AVEN: variants seen among roughly 807,000 people sequenced by gnomAD.
AVEN encodes the protein cell death regulator Aven.
A neutral mutation model predicts 38.1 loss-of-function variants in AVEN; 41 were observed. The observed-to-expected ratio is 1.08, with a 90% CI of 0.84 to 1.40. The LOEUF is 1.40. AVEN is among the 40% of genes most tolerant of loss of function. AVEN has a pLI of 0.00. For missense variants in AVEN, 605 were observed against 438.8 expected (o/e 1.38, Z -3.38); for synonymous variants, 206 against 171.8 (o/e 1.20, Z -1.56).
At chr15:34,044,981 G>A (rs1899632596) in intron 5 of AVEN, among the ~76,000 whole-genome samples, 1 of 152,192 alleles carries the variant, frequency 6.6e-6, no homozygotes, top group East Asian at 1.9e-4. Flanking sequence ...CTGGGAGGCG[G>A]AGCTTGCAGT....
chr15:33,876,409 T>C (rs1012577408), intron 2 of AVEN, among the ~76,000 whole-genome samples: 1 of 151,664 alleles, frequency 6.6e-6, no homozygotes, highest in Non-Finnish European at 1.5e-5. Context: ...GTGTCTCTAC[T>C]AAAAATACAA....
chr15:33,871,620 G>T (rs1890954700), intron 3 of AVEN, among the ~76,000 whole-genome samples: 1 of 151,998 alleles, frequency 6.6e-6, no homozygotes, highest in Admixed American at 6.6e-5. Flanking sequence ...CTTTTGCAAT[G>T]ACTGACAAGC....
chr15:33,906,787 A>C (rs926108416), intron 2 of AVEN, among the ~76,000 whole-genome samples: 2 of 152,200 alleles, frequency 1.3e-5, no homozygotes, highest in Admixed American at 6.5e-5. Context: ...TAGGAAAATG[A>C]AAAAAACTCT....
intron 11 of AVEN, chr15:33,859,881 G>C: frequency 1.1e-6 from 1 of 888,144 alleles, no homozygotes. Context: ...TACTATACCT[G>C]AGGCTTTGGC....
At position 33,866,655 on chromosome 15, in the gene AVEN, G is replaced by A. The variant is rs544673964; in HGVS notation, c.1047C>T (p.Thr349=). ...PEQPSTSKNV[T]EEELEDWLDS... is the part of the protein sequence containing the mutation. ...CCAACCAGTCTTCCAGCTCTTCCTC[G>A]GTAACATTTTTGGAGGTACTTGGTT... The change falls in exon 6 of 6, where the codon ACC becomes ACT. Residue 349 remains threonine, a synonymous_variant. Transcript: ENST00000306730. 7.7e-5 allele frequency: 125 copies of A among 1,613,880 alleles called. No homozygotes were observed. The highest frequency in any genetic ancestry group is 2.7e-4 in the South Asian group (25 of 91,062).
At chr15:34,005,045 G>A (rs981386095) in intron 1 of AVEN, among the ~76,000 whole-genome samples, 1 of 151,954 alleles carries the variant, frequency 6.6e-6, no homozygotes, top group Non-Finnish European at 1.5e-5. Context: ...GAAAAGACAA[G>A]CAAAACTAAA....
Position 33,892,638 on chromosome 15 carries a change from T to G in AVEN, c.446-16643A>C, listed in dbSNP as rs550564439. On this transcript the variant is annotated intron_variant, in intron 2 of 5. Transcript: ENST00000306730. ...TGTTTGGTAGCCTTGTAGTATAGTTTGAAGTCAGGTAGCGTGATGCCTCCA... is the reference window on the plus strand; with the variant it reads ...TGTTTGGTAGCCTTGTAGTATAGTTGGAAGTCAGGTAGCGTGATGCCTCCA... Among the ~76,000 whole-genome samples, 70 of 152,358 alleles carry G rather than the reference T, an allele frequency of 4.6e-4. No homozygotes were observed. In the South Asian group the frequency reaches 0.014, roughly 31 times the overall value.
chr15:33,897,160 T>C (rs1409475431), intron 2 of AVEN, among the ~76,000 whole-genome samples: 3 of 152,150 alleles, frequency 2.0e-5, no homozygotes, highest in African/African-American at 7.2e-5. Context: ...GGAAGGTACA[T>C]AGGGAACTTT....
intron 1 of AVEN, among the ~76,000 whole-genome samples, chr15:34,005,382 T>C (rs1188934305): frequency 6.6e-6 from 1 of 152,224 alleles, no homozygotes; most frequent in Non-Finnish European, 1.5e-5. Flanking sequence ...CCCTGACTTA[T>C]TGACAAGGCC....
At chr15:34,011,398 T>G (rs1286392495) in intron 1 of AVEN, among the ~76,000 whole-genome samples, 1 of 152,218 alleles carries the variant, frequency 6.6e-6, no homozygotes, top group Non-Finnish European at 1.5e-5. Flanking sequence ...TGCATGATCA[T>G]ATTTGAAAAA....
At chr15:33,855,692 A>G (rs1469481213), downstream of AVEN, among the ~76,000 whole-genome samples, 1 of 152,126 alleles carries the variant, frequency 6.6e-6, no homozygotes, top group Non-Finnish European at 1.5e-5. Flanking sequence ...ACACATATGT[A>G]TATGGTTGTT....
At position 33,917,810 on chromosome 15, in the gene AVEN, G is replaced by GT. The variant is rs113257541; in HGVS notation, c.446-41816dup. On this transcript the variant is annotated intron_variant, in intron 2 of 5. Transcript: ENST00000306730. Reference sequence around the variant, plus strand: ...TGAGGATGCAAAGGCAGACTCAGGGGTAAGTGTGGGAGGGGGGTAAGGGAT... The same window carrying GT: ...TGAGGATGCAAAGGCAGACTCAGGGGTTAAGTGTGGGAGGGGGGTAAGGGAT... 1.4e-3 allele frequency among the ~76,000 whole-genome samples: 209 copies of GT among 152,238 alleles called. 2 individuals are homozygous for GT. Among genetic ancestry groups the GT allele is most frequent in the African/African-American group, 4.8e-3 (199 of 41,530 alleles).
At chr15:33,984,247 T>C (rs1896319709) in intron 2 of AVEN, among the ~76,000 whole-genome samples, 1 of 152,152 alleles carries the variant, frequency 6.6e-6, no homozygotes, top group African/African-American at 2.4e-5. Flanking sequence ...CACTGTATTA[T>C]CTTTGTAACT....
At chr15:33,964,243 T>C (rs576758082) in intron 2 of AVEN, among the ~76,000 whole-genome samples, 1 of 152,252 alleles carries the variant, frequency 6.6e-6, no homozygotes, top group Non-Finnish European at 1.5e-5. Context: ...TACTAGGGTA[T>C]GGTTGTAAAA....
chr15:33,873,927 T>C (rs1891113346), intron 3 of AVEN, among the ~76,000 whole-genome samples: 1 of 151,516 alleles, frequency 6.6e-6, no homozygotes, highest in South Asian at 2.1e-4. Flanking sequence ...GAGTAACCCC[T>C]GTCCCACGCT....
intron 2 of AVEN, among the ~76,000 whole-genome samples, chr15:33,903,766 A>ATG (rs199759666): frequency 6.6e-6 from 1 of 152,150 alleles, no homozygotes; most frequent in Non-Finnish European, 1.5e-5. Flanking sequence ...GTATATGTGT[A>ATG]TATACAGTCA....
At chr15:33,945,439 C>T (rs1478116328) in intron 2 of AVEN, among the ~76,000 whole-genome samples, 2 of 152,162 alleles carry the variant, frequency 1.3e-5, no homozygotes, top group Admixed American at 6.5e-5. Flanking sequence ...CTAGTTTCTA[C>T]TCAGAGTTAA....
intron 2 of AVEN, among the ~76,000 whole-genome samples, chr15:33,895,939 C>T (rs563289060): frequency 2.0e-5 from 3 of 152,136 alleles, no homozygotes; most frequent in Non-Finnish European, 4.4e-5. Flanking sequence ...TAATTCATGC[C>T]TCCTAACGCA....
chr15:33,948,330 T>C (rs906357984), intron 2 of AVEN, among the ~76,000 whole-genome samples: 1 of 151,426 alleles, frequency 6.6e-6, no homozygotes, highest in Non-Finnish European at 1.5e-5. Context: ...CTCCTGACCT[T>C]GTGATCCACC....
Sources: allele counts gnomAD v4.1 joint callset (sites outside exome capture counted in the v4.1 genomes callset), GRCh38; gene constraint gnomAD v4.1.1; transcripts MANE v1.5; gene names NCBI Gene and HGNC (gene_info 2026-07-23, HGNC 2026-07-21).